Variants in CCDC186 observed in about 807,000 individuals in gnomAD.
CCDC186 encodes coiled-coil domain-containing protein 186.
Under a neutral mutation model 113.7 loss-of-function variants are expected in CCDC186, and 49 were observed. That is an observed-to-expected ratio of 0.43 (90% CI 0.34 to 0.55). CCDC186 has a LOEUF of 0.55. Ranked by LOEUF, CCDC186 falls within the 20% of genes least tolerant of loss-of-function variation. The probability of loss-of-function intolerance (pLI) is 0.02; values close to 1 mark genes in which losing one functional copy is unlikely to be tolerated. For missense variants in CCDC186, 890 were observed against 1,011.1 expected (o/e 0.88, Z 1.62); for synonymous variants, 355 against 345.8 (o/e 1.03, Z -0.30).
At chr10:114,172,297 G>C (rs1041889080) in intron 1 of CCDC186, among the ~76,000 whole-genome samples, 1 of 152,200 alleles carries the variant, frequency 6.6e-6, no homozygotes, top group African/African-American at 2.4e-5. Flanking sequence ...TCTTCCTGGA[G>C]TCAGTATACT....
At chr10:114,147,015 G>A (rs2119780823) in intron 4 of CCDC186, among the ~76,000 whole-genome samples, 1 of 152,298 alleles carries the variant, frequency 6.6e-6, no homozygotes, top group East Asian at 1.9e-4. Context: ...AATTAAGAAA[G>A]ACATTGCATT....
chr10:114,170,635 G>A (rs376524237), intron 1 of CCDC186, among the ~76,000 whole-genome samples: 2 of 152,154 alleles, frequency 1.3e-5, no homozygotes, highest in African/African-American at 4.8e-5. Context: ...AAATTTAACT[G>A]TAATATACTG....
rs1299456756 is a variant in CCDC186, at chr10:114,131,188, T to C, written c.2060A>G (p.His687Arg). The part of the protein sequence containing the change: ...KDELVTQRRK[H>R]ASSIKDLTKQ... ...GGTGAGATCCTTGATACTAGAGGCA[T>C]GTTTACGTCTCTGAGTTACTAACTC... The change falls in exon 12 of 16, where the codon CAT (histidine) becomes CGT (arginine). Residue 687 changes from histidine to arginine, a missense_variant. By Grantham distance (29) the His-to-Arg change is conservative. Coordinates refer to ENST00000369287, the MANE Select transcript of CCDC186 (RefSeq NM_018017.4). The C allele has an allele frequency of 6.3e-7, 1 of 1,585,450 alleles. No individual in the cohort carries two copies. Among genetic ancestry groups the C allele is most frequent in the Non-Finnish European group, 8.6e-7 (1 of 1,168,094 alleles).
chr10:114,144,348 C>T (rs566115882), intron 6 of CCDC186, 149 bp downstream of exon 6: 12 of 907,480 alleles, frequency 1.3e-5, no homozygotes, highest in African/African-American at 1.0e-4. Flanking sequence ...CTAAACTAAG[C>T]TTCATGCCTC....
intron 2 of CCDC186, chr10:114,162,416 T>G: frequency 2.9e-6 from 1 of 341,536 alleles, no homozygotes; most frequent in Non-Finnish European, 5.2e-6. Flanking sequence ...TTCTAGCACG[T>G]TAATACATTT....
chr10:114,143,743 G>A (rs2031548827), intron 6 of CCDC186, among the ~76,000 whole-genome samples: 2 of 152,132 alleles, frequency 1.3e-5, no homozygotes, highest in African/African-American at 2.4e-5. Flanking sequence ...GGTAATCCAC[G>A]ATTATGATTT....
At chr10:114,126,236 G>T (rs2030896313) in intron 14 of CCDC186, 131 bp from the exon 15 acceptor site, 2 of 671,716 alleles carry the variant, frequency 3.0e-6, no homozygotes, top group Non-Finnish European at 5.0e-6. Flanking sequence ...TATTAGAAAA[G>T]AATTCTCCTT....
At chr10:114,172,478 C>T (rs1157730949) in intron 1 of CCDC186, among the ~76,000 whole-genome samples, 1 of 152,216 alleles carries the variant, frequency 6.6e-6, no homozygotes. Flanking sequence ...GTGATACACA[C>T]CAGCCAACCC....
intron 2 of CCDC186, chr10:114,161,474 G>A (rs1013719741): frequency 6.6e-6 from 1 of 152,178 alleles, no homozygotes; most frequent in Non-Finnish European, 1.5e-5. Flanking sequence ...AAAATGGTAA[G>A]AGTCTAGATC....
intron 1 of CCDC186, among the ~76,000 whole-genome samples, chr10:114,169,154 G>A (rs1018563718): frequency 6.6e-6 from 1 of 150,636 alleles, no homozygotes; most frequent in Admixed American, 6.6e-5. Context: ...AAGAAATGCA[G>A]AAGTGTTTTA....
intron 3 of CCDC186, among the ~76,000 whole-genome samples, chr10:114,156,599 C>T (rs1214537144): frequency 2.0e-5 from 3 of 151,996 alleles, no homozygotes; most frequent in African/African-American, 4.8e-5. Context: ...GGTTGGTGGC[C>T]GCCTATAATC....
intron 14 of CCDC186, among the ~76,000 whole-genome samples, chr10:114,127,118 G>GA (rs1035133397): frequency 1.3e-5 from 2 of 151,578 alleles, no homozygotes; most frequent in African/African-American, 4.9e-5. Context: ...TACCCAACAG[G>GA]AAAAAAAATC....
chr10:114,151,525 C>A (rs75889579), intron 3 of CCDC186, among the ~76,000 whole-genome samples: 12,203 of 152,066 alleles, frequency 0.08, 580 homozygotes, highest in Middle Eastern at 0.14. Context: ...CCTTCAGTCA[C>A]CCACAGTTCA....
chr10:114,150,571 A>G (rs531696001), intron 4 of CCDC186, among the ~76,000 whole-genome samples: 1 of 152,302 alleles, frequency 6.6e-6, no homozygotes, highest in Admixed American at 6.5e-5. Flanking sequence ...GAATATGTAC[A>G]GATTAAAAAA....
chr10:114,148,548 A>G (rs887525599), intron 4 of CCDC186, among the ~76,000 whole-genome samples: 2 of 152,262 alleles, frequency 1.3e-5, no homozygotes, highest in African/African-American at 4.8e-5. Flanking sequence ...AGCTTCTACA[A>G]GTATGGCAGA....
Position 114,131,142 on chromosome 10 carries a change from T to C in CCDC186, c.2101+5A>G, listed in dbSNP as rs752949470. On this transcript the variant is annotated splice_donor_5th_base_variant and intron_variant, in intron 12 of 15. Coordinates refer to ENST00000369287, the MANE Select transcript of CCDC186 (RefSeq NM_018017.4). ...TCATGGTCTAAGTGTGGAAGAATTT[T>C]ATACCTTGCTGAAGTTGTTTGGTGA... is the stretch of plus-strand genomic sequence containing the variant. The C allele has an allele frequency of 6.7e-7, 1 of 1,501,654 alleles. No homozygotes were observed. Among genetic ancestry groups the C allele is most frequent in the African/African-American group, 1.4e-5 (1 of 69,770 alleles). The allele number at this position is 1,501,654 out of a possible 1,614,324, so 93.0% of individuals were successfully genotyped here.
chr10:114,137,248 G>C lies in CCDC186; in HGVS notation c.1264C>G (p.Gln422Glu). The change falls in exon 7 of 16, where the codon CAA becomes GAA. Residue 422 changes from glutamine to glutamate, a missense_variant. Transcript: ENST00000369287. ...ATCTGATCTGCTTCTTCCTTTGCTT[G>C]TGTTAATTTTGTTGTTGTTTCTTTG... ...KLKETTTKLT[Q>E]AKEEADQIRK... 6.2e-7 allele frequency: 1 copy of C among 1,613,632 alleles called. No individual in the cohort carries two copies. The highest frequency in any genetic ancestry group is 2.2e-5 in the East Asian group (1 of 44,864).
chr10:114,163,225 T>A lies in CCDC186; in HGVS notation c.44A>T (p.Asn15Ile). 1.2e-6 allele frequency: 2 copies of A among 1,613,432 alleles called. No individual in the cohort carries two copies. Among genetic ancestry groups the A allele is most frequent in the Non-Finnish European group, 1.7e-6 (2 of 1,179,986 alleles). The change falls in exon 2 of 16, where the codon AAT becomes ATT. Residue 15 changes from asparagine (N) to isoleucine (I), a missense_variant. Physicochemically the swap from Asn to Ile is moderately radical, Grantham distance 149. Coordinates refer to ENST00000369287, the MANE Select transcript of CCDC186 (RefSeq NM_018017.4). ...DHIASTSSDK[N>I]VGKTPELKED... ...CTTTAATTCAGGTGTTTTCCCAACATTTTTATCAGAGGAAGTAGAGGCTAT... is the reference window on the plus strand; with the variant it reads ...CTTTAATTCAGGTGTTTTCCCAACAATTTTATCAGAGGAAGTAGAGGCTAT...
intron 1 of CCDC186, among the ~76,000 whole-genome samples, chr10:114,167,844 G>A (rs2032382077): frequency 6.6e-6 from 1 of 150,770 alleles, no homozygotes; most frequent in Non-Finnish European, 1.5e-5. Context: ...AAGTTAGCTG[G>A]GCATGGTGGC....
Sources: allele counts gnomAD v4.1 joint callset (sites outside exome capture counted in the v4.1 genomes callset), GRCh38; gene constraint gnomAD v4.1.1; transcripts MANE v1.5; gene names NCBI Gene and HGNC (gene_info 2026-07-23, HGNC 2026-07-21).